Variants in CSMD3 observed in about 807,000 individuals in gnomAD.
The protein encoded by CSMD3 is CUB and sushi domain-containing protein 3.
A neutral mutation model predicts 435.2 loss-of-function variants in CSMD3; 177 were observed. The observed-to-expected ratio is 0.41, with a 90% confidence interval of 0.36 to 0.46. The LOEUF (loss-of-function observed/expected upper bound fraction) is 0.46, where lower values mean the gene tolerates loss of function less well. Among genes scored for constraint, CSMD3 ranks in the 20% least tolerant of loss-of-function variants. The pLI is 0.34. For missense variants in CSMD3, 4,265 were observed against 4,504.6 expected, an observed-to-expected ratio of 0.95 and a Z score of 1.52; for synonymous variants, 1,656 against 1,520.5, an observed-to-expected ratio of 1.09 and a Z score of -2.07.
intron 28 of CSMD3, among the ~76,000 whole-genome samples, chr8:112,516,703 A>T (rs1823706055): frequency 6.6e-6 from 1 of 152,172 alleles, no homozygotes. Context: ...AATATGACCC[A>T]TTTTAATATG....
At chr8:112,487,683 A>T (rs1820277587) in intron 31 of CSMD3, among the ~76,000 whole-genome samples, 1 of 152,164 alleles carries the variant, frequency 6.6e-6, no homozygotes, top group African/African-American at 2.4e-5. Flanking sequence ...AGAGGAAAAG[A>T]GGTAAGAGAC....
At chr8:112,709,113 C>T (rs1045267147) in intron 13 of CSMD3, among the ~76,000 whole-genome samples, 1 of 152,068 alleles carries the variant, frequency 6.6e-6, no homozygotes, top group East Asian at 1.9e-4. Context: ...TTCCAACAAT[C>T]CGAGCTCATA....
At chr8:112,692,654 CAGTT>C (rs1037809869) in intron 13 of CSMD3, among the ~76,000 whole-genome samples, 42 of 152,116 alleles carry the variant, frequency 2.8e-4, no homozygotes, top group Non-Finnish European at 2.6e-4. Context: ...AAGCATCATT[CAGTT>C]AGTTAGTTTA....
chr8:112,242,236 T>C (rs1047289590), intron 65 of CSMD3, among the ~76,000 whole-genome samples: 1 of 152,074 alleles, frequency 6.6e-6, no homozygotes, highest in African/African-American at 2.4e-5. Context: ...TGGATAGACT[T>C]AAAGGTGAAA....
intron 2 of CSMD3, among the ~76,000 whole-genome samples, chr8:113,287,489 T>C (rs2132509282): frequency 1.3e-5 from 2 of 152,110 alleles, no homozygotes; most frequent in Middle Eastern, 6.8e-3. Flanking sequence ...GCAGTAATAT[T>C]AAAGAAAAAT....
At chr8:113,259,179 T>C (rs893062341) in intron 3 of CSMD3, among the ~76,000 whole-genome samples, 1 of 152,204 alleles carries the variant, frequency 6.6e-6, no homozygotes, top group Non-Finnish European at 1.5e-5. Flanking sequence ...CATGCCCTTG[T>C]GGTCTCATCC....
chr8:113,340,115 G>T (rs144021418), intron 1 of CSMD3, among the ~76,000 whole-genome samples: 2,604 of 151,576 alleles, frequency 0.017, 146 homozygotes, highest in Admixed American at 0.1. Flanking sequence ...TCTATTATTT[G>T]TTCCTTTTAT....
chr8:112,451,113 A>C (rs1290390598), intron 32 of CSMD3, among the ~76,000 whole-genome samples: 1 of 152,208 alleles, frequency 6.6e-6, no homozygotes, highest in Non-Finnish European at 1.5e-5. Flanking sequence ...AAACAAAAAT[A>C]CTTAAAATAC....
chr8:113,139,283 T>C lies in CSMD3; in HGVS notation c.709+34439A>G, dbSNP rs544920070. On this transcript the variant is annotated intron_variant, in intron 4 of 70. Coordinates refer to ENST00000297405, the MANE Select transcript of CSMD3 (RefSeq NM_198123.2). Reference sequence around the variant, plus strand: ...GAGTAAGCAAAAATATTAATAAATATAAGAGATTTTTCTTCTTACCTTGAA... The same window carrying C: ...GAGTAAGCAAAAATATTAATAAATACAAGAGATTTTTCTTCTTACCTTGAA... Among the ~76,000 whole-genome samples, 8 of 150,956 alleles carry C rather than the reference T, an allele frequency of 5.3e-5. No homozygotes were observed. In the South Asian group the frequency reaches 1.5e-3, roughly 27 times the overall value.
intron 2 of CSMD3, among the ~76,000 whole-genome samples, chr8:113,294,938 T>C (rs942501726): frequency 6.6e-6 from 1 of 152,172 alleles, no homozygotes; most frequent in Non-Finnish European, 1.5e-5. Flanking sequence ...GGGTGTCATG[T>C]ACTGAGTTAA....
intron 32 of CSMD3, among the ~76,000 whole-genome samples, chr8:112,460,431 A>G (rs1046434057): frequency 6.6e-6 from 1 of 151,936 alleles, no homozygotes; most frequent in Non-Finnish European, 1.5e-5. Flanking sequence ...AACAGCAAAC[A>G]TACTAGATTG....
At chr8:113,151,798 T>G (rs2131787347) in intron 4 of CSMD3, among the ~76,000 whole-genome samples, 1 of 152,150 alleles carries the variant, frequency 6.6e-6, no homozygotes, top group Non-Finnish European at 1.5e-5. Context: ...TATGATATGA[T>G]TTTGAGAAAA....
chr8:112,334,705 C>A (rs557737789), intron 45 of CSMD3, among the ~76,000 whole-genome samples: 1 of 152,102 alleles, frequency 6.6e-6, no homozygotes, highest in Non-Finnish European at 1.5e-5. Flanking sequence ...CTCTGTGAAA[C>A]CTTCTGAATG....
At chr8:113,418,978 GCA>G (rs1296900697) in intron 1 of CSMD3, among the ~76,000 whole-genome samples, 10 of 152,228 alleles carry the variant, frequency 6.6e-5, no homozygotes, top group African/African-American at 2.4e-4. Flanking sequence ...CATAGCTTCT[GCA>G]CCTGCAAGAG....
Position 112,503,901 on chromosome 8 carries a change from A to C in CSMD3, c.4972T>G (p.Phe1658Val), listed in dbSNP as rs772633425. ...CTCTCTGGTAACTTGCTGTCTTGAA[A>C]ACTTCCAATCAGTGGGCTATTACTG... is the stretch of plus-strand genomic sequence containing the variant. ...PDSNSPLIGSFQDSKLPERIE... is the reference protein window; with the variant it reads ...PDSNSPLIGSVQDSKLPERIE... Residue 1658 changes from phenylalanine (F) to valine (V), a missense_variant, in exon 30 of 71, where the codon TTT becomes GTT. By Grantham distance (50) the Phe-to-Val change is conservative. Coordinates refer to ENST00000297405, the MANE Select transcript of CSMD3 (RefSeq NM_198123.2). 3.7e-6 allele frequency: 6 copies of C among 1,613,092 alleles called. No homozygotes were observed. The South Asian group carries it at 6.6e-5, about 18-fold the overall frequency.
intron 3 of CSMD3, among the ~76,000 whole-genome samples, chr8:113,175,765 T>C (rs1175477295): frequency 6.6e-6 from 1 of 152,072 alleles, no homozygotes; most frequent in East Asian, 1.9e-4. Flanking sequence ...GGAGATACTT[T>C]TAATGAAACT....
intron 6 of CSMD3, among the ~76,000 whole-genome samples, chr8:112,994,982 AAAT>A (rs1349395329): frequency 5.3e-5 from 8 of 151,676 alleles, no homozygotes; most frequent in African/African-American, 1.7e-4. Flanking sequence ...TTTTATCAAA[AAAT>A]AATAAATATT....
chr8:113,423,347 G>C (rs1268583494), intron 1 of CSMD3, among the ~76,000 whole-genome samples: 1 of 151,954 alleles, frequency 6.6e-6, no homozygotes, highest in African/African-American at 2.4e-5. Context: ...ACCTCTTATA[G>C]ATAGCTTCTC....
At chr8:112,870,164 C>T (rs891519807) in intron 10 of CSMD3, among the ~76,000 whole-genome samples, 1 of 151,538 alleles carries the variant, frequency 6.6e-6, no homozygotes, top group African/African-American at 2.4e-5. Flanking sequence ...AAACTTGTGT[C>T]ATGGAGGCCA....
Sources: gnomAD v4.1 joint callset for allele counts (sites outside exome capture counted in the v4.1 genomes callset) on GRCh38, gnomAD v4.1.1 for gene constraint, MANE v1.5 for transcripts, NCBI Gene and HGNC (gene_info 2026-07-23, HGNC 2026-07-21) for gene names.